KCNC2: variants seen among roughly 807,000 people sequenced by gnomAD.
KCNC2 encodes the protein potassium voltage-gated channel subfamily C member 2.
In KCNC2, 21 loss-of-function variants were observed where a neutral mutation model predicts 44.5. The ratio of observed to expected loss-of-function variants is 0.47; its 90% CI spans 0.33 to 0.68. KCNC2 has a LOEUF of 0.68. KCNC2 is among the 30% of genes least tolerant of loss of function. The pLI, the probability that KCNC2 is intolerant of heterozygous loss-of-function variation, is 0.01. For synonymous variants in KCNC2, 391 were observed against 339.1 expected, an observed-to-expected ratio of 1.15 and a Z score of -1.68; for missense variants, 589 against 826.2, an observed-to-expected ratio of 0.71 and a Z score of 3.52.
intron 2 of KCNC2, among the ~76,000 whole-genome samples, chr12:75,131,056 T>C (rs1258669023): frequency 6.6e-6 from 1 of 152,126 alleles, no homozygotes; most frequent in Non-Finnish European, 1.5e-5. Flanking sequence ...GTCATGGTAC[T>C]TTGCAAATTA....
At chr12:75,110,285 G>A (rs1887127113) in intron 2 of KCNC2, among the ~76,000 whole-genome samples, 1 of 152,080 alleles carries the variant, frequency 6.6e-6, no homozygotes, top group Non-Finnish European at 1.5e-5. Flanking sequence ...GTAAACCCTT[G>A]TAAGCATCTA....
At chr12:75,122,010 C>T (rs1325843261) in intron 2 of KCNC2, among the ~76,000 whole-genome samples, 3 of 152,150 alleles carry the variant, frequency 2.0e-5, no homozygotes, top group Non-Finnish European at 4.4e-5. Flanking sequence ...CCACTGCTGA[C>T]ACCACTTACC....
chr12:75,042,386 C>G lies in KCNC2; in HGVS notation c.*719G>C. 1 of 1,609,270 alleles carries G rather than the reference C, an allele frequency of 6.2e-7. No individual in the cohort carries two copies. The highest frequency in any genetic ancestry group is 8.5e-7 in the Non-Finnish European group (1 of 1,177,064). ...CTCTTTGCAGTTATCTGTGTGCAAACAACCAGAGACATTCAGAACTCCAAT... is the reference window on the plus strand; with the variant it reads ...CTCTTTGCAGTTATCTGTGTGCAAAGAACCAGAGACATTCAGAACTCCAAT... On this transcript the variant is annotated 3_prime_UTR_variant, in exon 5 of 5. Coordinates refer to ENST00000549446, the MANE Select transcript of KCNC2 (RefSeq NM_139137.4).
rs539341275 is a variant in KCNC2, at chr12:75,149,617, T to C, written c.687+57680A>G. Among the ~76,000 whole-genome samples the C allele has an allele frequency of 1.7e-4, 26 of 151,962 alleles. No individual in the cohort carries two copies. In the East Asian group the frequency reaches 4.8e-3, roughly 28 times the overall value. On this transcript the variant is annotated intron_variant, in intron 2 of 4. Transcript: ENST00000549446. ...ATCTTATATTGAGCATCTTTAATCT[T>C]CATTACTGCTCAACATTTATACGTT...
chr12:75,168,949 A>C (rs1412327976), intron 2 of KCNC2, among the ~76,000 whole-genome samples: 1 of 151,504 alleles, frequency 6.6e-6, no homozygotes, highest in African/African-American at 2.4e-5. Context: ...GTACAATCCA[A>C]ATGATAATAC....
chr12:75,077,005 T>C (rs1884046589), intron 2 of KCNC2, among the ~76,000 whole-genome samples: 1 of 148,194 alleles, frequency 6.7e-6, no homozygotes, highest in East Asian at 1.9e-4. Flanking sequence ...TCTTATTGTG[T>C]GTATTTCCAG....
chr12:75,063,138 A>T (rs548979283), intron 2 of KCNC2, among the ~76,000 whole-genome samples: 1 of 152,088 alleles, frequency 6.6e-6, no homozygotes, highest in East Asian at 1.9e-4. Context: ...CTGCTTTGTC[A>T]TTTCTGTTTT....
chr12:75,176,298 A>T (rs1892177947), intron 2 of KCNC2, among the ~76,000 whole-genome samples: 1 of 151,908 alleles, frequency 6.6e-6, no homozygotes, highest in South Asian at 2.1e-4. Context: ...GGGACTAGAG[A>T]GGCAGTTTGG....
intron 2 of KCNC2, among the ~76,000 whole-genome samples, chr12:75,128,068 T>C (rs1025961513): frequency 2.6e-5 from 4 of 152,000 alleles, no homozygotes; most frequent in African/African-American, 9.7e-5. Context: ...CAATGAAAAA[T>C]AATAACTCAA....
intron 2 of KCNC2, among the ~76,000 whole-genome samples, chr12:75,130,767 A>G (rs552440457): frequency 1.3e-3 from 193 of 148,512 alleles, no homozygotes; most frequent in Middle Eastern, 3.4e-3. Flanking sequence ...ATATTGTGAA[A>G]GGACTCCTAG....
chr12:75,057,185 A>G (rs1881838500), intron 2 of KCNC2, among the ~76,000 whole-genome samples: 1 of 152,026 alleles, frequency 6.6e-6, no homozygotes, highest in Admixed American at 6.6e-5. Context: ...GAACTTATAA[A>G]TTGGAAGTTT....
At chr12:75,119,825 T>C (rs187548008) in intron 2 of KCNC2, among the ~76,000 whole-genome samples, 1 of 152,314 alleles carries the variant, frequency 6.6e-6, no homozygotes, top group Admixed American at 6.5e-5. Context: ...AAGCAAAAAG[T>C]TTAGTGTAAT....
chr12:75,082,103 G>A (rs1292074625), intron 2 of KCNC2, among the ~76,000 whole-genome samples: 1 of 151,846 alleles, frequency 6.6e-6, no homozygotes, highest in Non-Finnish European at 1.5e-5. Flanking sequence ...TTATCTCACA[G>A]GGATGTTGTG....
chr12:75,169,375 C>T (rs1593015268), intron 2 of KCNC2, among the ~76,000 whole-genome samples: 1 of 151,438 alleles, frequency 6.6e-6, no homozygotes, highest in Non-Finnish European at 1.5e-5. Context: ...GTACAAGTTA[C>T]TCAAAGTTTA....
At chr12:75,184,119 C>T (rs1490871599) in intron 2 of KCNC2, among the ~76,000 whole-genome samples, 7 of 152,146 alleles carry the variant, frequency 4.6e-5, no homozygotes, top group African/African-American at 7.2e-5. Flanking sequence ...TTCCATGTCT[C>T]CTGTAGACTG....
intron 2 of KCNC2, among the ~76,000 whole-genome samples, chr12:75,097,676 T>C (rs1886047667): frequency 6.6e-6 from 1 of 152,108 alleles, no homozygotes; most frequent in African/African-American, 2.4e-5. Context: ...GATCCTACCT[T>C]ATAAAAATGT....
chr12:75,133,467 G>C (rs1246138169), intron 2 of KCNC2, among the ~76,000 whole-genome samples: 16 of 150,590 alleles, frequency 1.1e-4, no homozygotes, highest in Non-Finnish European at 2.4e-4. Context: ...AAAACAATTA[G>C]CTACCTATAA....
intron 3 of KCNC2, among the ~76,000 whole-genome samples, 182 bp downstream of exon 3, chr12:75,050,208 G>A (rs1881014750): frequency 6.6e-6 from 1 of 151,616 alleles, no homozygotes; most frequent in Admixed American, 6.6e-5. Flanking sequence ...TCCTACTTGG[G>A]GTTCAATTAG....
At chr12:75,208,596 G>A (rs1212826656) in intron 1 of KCNC2, among the ~76,000 whole-genome samples, 3 of 133,190 alleles carry the variant, frequency 2.3e-5, no homozygotes, top group East Asian at 2.2e-4. Context: ...CCTGTGAAGA[G>A]CCCGGATTCC....
Sources: gnomAD v4.1 joint callset for allele counts (sites outside exome capture counted in the v4.1 genomes callset) on GRCh38, gnomAD v4.1.1 for gene constraint, MANE v1.5 for transcripts, NCBI Gene and HGNC (gene_info 2026-07-23, HGNC 2026-07-21) for gene names.